The following PHLPP2 variants were observed in gnomAD, a reference collection of about 807,000 sequenced individuals.
PHLPP2 encodes the protein PH domain leucine-rich repeat-containing protein phosphatase 2.
In PHLPP2, 66 loss-of-function variants were observed where a neutral mutation model predicts 124.9. The observed-to-expected ratio is 0.53, with a 90% CI of 0.43 to 0.65. PHLPP2 has a LOEUF of 0.65. PHLPP2 is among the 30% of genes least tolerant of loss of function. The pLI, the probability that PHLPP2 is intolerant of heterozygous loss-of-function variation, is 0.00. For missense variants in PHLPP2, 1,685 were observed against 1,600.4 expected (o/e 1.05, Z -0.90); for synonymous variants, 681 against 624.7 (o/e 1.09, Z -1.34).
intron 6 of PHLPP2, among the ~76,000 whole-genome samples, chr16:71,680,590 C>T (rs917537603): frequency 3.9e-5 from 6 of 152,300 alleles, no homozygotes; most frequent in Middle Eastern, 3.4e-3. Flanking sequence ...TCTGGTAATT[C>T]CACTGGGGAG....
Position 71,690,596 on chromosome 16 carries a change from C to T in PHLPP2, c.532G>A (p.Gly178Ser). Residue 178 changes from glycine (G) to serine (S), a missense_variant, in exon 4 of 19, where the codon GGT becomes AGT. Physicochemically the swap from Gly to Ser is moderately conservative, Grantham distance 56. Coordinates refer to ENST00000568954, the MANE Select transcript of PHLPP2 (RefSeq NM_015020.3). Reference protein sequence around the residue: ...KWAERLVVLCGTCLIVSSVKD... With the variant: ...KWAERLVVLCSTCLIVSSVKD... Reference sequence around the variant, plus strand: ...ACTGAGGAAACGATAAGGCAGGTACCACAGAGGACAACTAGGCGCTCAGCC... The same window carrying T: ...ACTGAGGAAACGATAAGGCAGGTACTACAGAGGACAACTAGGCGCTCAGCC... The T allele has an allele frequency of 6.2e-7, 1 of 1,612,648 alleles. No individual in the cohort carries two copies. The highest frequency in any genetic ancestry group is 8.5e-7 in the Non-Finnish European group (1 of 1,178,714).
chr16:71,667,406 AT>A, intron 11 of PHLPP2, 73 bp from the exon 12 acceptor site: 1 of 1,169,298 alleles, frequency 8.6e-7, no homozygotes, highest in Non-Finnish European at 1.2e-6. Flanking sequence ...GTCCTAGCCT[AT>A]TTAACTGAAA....
intron 1 of PHLPP2, among the ~76,000 whole-genome samples, chr16:71,717,131 A>G (rs2145387126): frequency 6.6e-6 from 1 of 152,360 alleles, no homozygotes; most frequent in East Asian, 1.9e-4. Context: ...ACATCTTTGC[A>G]GCAGCTGCAA....
chr16:71,674,143 C>A (rs1202207174), intron 9 of PHLPP2, among the ~76,000 whole-genome samples: 1 of 150,492 alleles, frequency 6.6e-6, no homozygotes, highest in African/African-American at 2.4e-5. Context: ...AATGGCATGA[C>A]CTTGGCTCAC....
intron 1 of PHLPP2, among the ~76,000 whole-genome samples, chr16:71,718,432 T>G (rs1269156951): frequency 6.7e-6 from 1 of 148,230 alleles, no homozygotes; most frequent in Non-Finnish European, 1.5e-5. Flanking sequence ...ACAAAAACAT[T>G]AGCTGGGCGT....
chr16:71,697,713 G>A (rs2045187235), intron 3 of PHLPP2, among the ~76,000 whole-genome samples: 1 of 152,022 alleles, frequency 6.6e-6, no homozygotes, highest in Non-Finnish European at 1.5e-5. Flanking sequence ...TGTGCTACCT[G>A]AGCCATACAG....
Position 71,658,246 on chromosome 16 carries a change from G to A in PHLPP2, c.2266C>T (p.Leu756=), listed in dbSNP as rs1325976090. 6.2e-7 allele frequency: 1 copy of A among 1,613,722 alleles called. No individual in the cohort carries two copies. Among genetic ancestry groups the A allele is most frequent in the Non-Finnish European group, 8.5e-7 (1 of 1,179,826 alleles). The part of the protein sequence containing the change: ...NTNLVLEHKT[L]DIFSHITTLK... ...ATTTTTTCCTACCTAAATATGTCCAGTGTCTTGTGTTCCAGAACCAGATTT... is the reference window on the plus strand; with the variant it reads ...ATTTTTTCCTACCTAAATATGTCCAATGTCTTGTGTTCCAGAACCAGATTT... Residue 756 remains leucine (L), a synonymous_variant, in exon 15 of 19, where the codon CTG becomes TTG. Transcript: ENST00000568954.
rs778993870 is a variant in PHLPP2 at position 71,684,520 on chromosome 16, C to G, written c.691G>C (p.Glu231Gln). The change falls in exon 5 of 19, where the codon GAG (glutamate) becomes CAG (glutamine). Residue 231 changes from glutamate (E) to glutamine (Q), a missense_variant. Coordinates refer to ENST00000568954, the MANE Select transcript of PHLPP2 (RefSeq NM_015020.3). ...AQAQTYHVSFETLAEYQRWQR... is the reference protein window; with the variant it reads ...AQAQTYHVSFQTLAEYQRWQR... ...CATCGCTGGTACTCGGCCAAAGTCT[C>G]GAAGCTGACATGATAGGTCTGAGCT... 2 of 1,613,832 alleles carry G rather than the reference C, an allele frequency of 1.2e-6. No homozygotes were observed. Among genetic ancestry groups the G allele is most frequent in the East Asian group, 2.2e-5 (1 of 44,880 alleles).
chr16:71,701,383 T>G (rs1235190199), intron 3 of PHLPP2, among the ~76,000 whole-genome samples: 1 of 152,070 alleles, frequency 6.6e-6, no homozygotes, highest in Non-Finnish European at 1.5e-5. Flanking sequence ...CATTATTACT[T>G]TTCAAAGATT....
In PHLPP2 at chr16:71,648,792, A is replaced by C. The variant is rs1000141575; in HGVS notation, c.*98T>G. ...TCTCAAAACAAACAAACAAAAAAAAAACGAACAAACAAAAAGAAATGTAGA... is the reference window on the plus strand; with the variant it reads ...TCTCAAAACAAACAAACAAAAAAAACACGAACAAACAAAAAGAAATGTAGA... On this transcript the variant is annotated 3_prime_UTR_variant, in exon 19 of 19. Transcript: ENST00000568954. 4 of 915,450 alleles carry C rather than the reference A, an allele frequency of 4.4e-6. No individual in the cohort carries two copies. Among genetic ancestry groups the C allele is most frequent in the South Asian group, 1.6e-5 (1 of 62,552 alleles). 56.7% of individuals were successfully genotyped at this position (915,450 alleles called of 1,614,324 possible).
At position 71,644,977 on chromosome 16, in the gene PHLPP2, T is replaced by C. The variant is rs923890737; in HGVS notation, c.*3913A>G. 3.4e-6 allele frequency: 1 copy of C among 292,374 alleles called. No individual in the cohort carries two copies. The highest frequency in any genetic ancestry group is 6.7e-6 in the Non-Finnish European group (1 of 148,292). 18.1% of individuals were successfully genotyped at this position (292,374 alleles called of 1,614,324 possible). ...CACTTTATTTTATTTATTATTGTTATTGTTATTTTTACAAACAATAGATTT... is the reference window on the plus strand; with the variant it reads ...CACTTTATTTTATTTATTATTGTTACTGTTATTTTTACAAACAATAGATTT... On this transcript the variant is annotated 3_prime_UTR_variant, in exon 19 of 19. Coordinates refer to ENST00000568954, the MANE Select transcript of PHLPP2 (RefSeq NM_015020.3).
chr16:71,719,002 A>C (rs542493262), intron 1 of PHLPP2, among the ~76,000 whole-genome samples: 1 of 152,286 alleles, frequency 6.6e-6, no homozygotes, highest in African/African-American at 2.4e-5. Context: ...GTCTTGCTCC[A>C]CTGCTTAACA....
intron 3 of PHLPP2, among the ~76,000 whole-genome samples, chr16:71,702,236 G>A (rs1178620790): frequency 6.6e-6 from 1 of 152,072 alleles, no homozygotes; most frequent in Non-Finnish European, 1.5e-5. Flanking sequence ...ATATGATAAT[G>A]ATTACTTACT....
rs1353691765 is a variant in PHLPP2 at position 71,714,604 on chromosome 16, G to A, written c.192C>T (p.Leu64=). ...SSSSSSSDLH[L]VLCTVETPAS... is the part of the protein sequence containing the mutation. ...CTGGTGTCTCTACAGTGCAAAGGACGAGATGTAAGTCAGAGGAAGAGGAGG... is the reference window on the plus strand; with the variant it reads ...CTGGTGTCTCTACAGTGCAAAGGACAAGATGTAAGTCAGAGGAAGAGGAGG... The change falls in exon 2 of 19, where the codon CTC becomes CTT. Residue 64 remains leucine (L), a synonymous_variant. Coordinates refer to ENST00000568954, the MANE Select transcript of PHLPP2 (RefSeq NM_015020.3). 3.7e-6 allele frequency: 6 copies of A among 1,613,992 alleles called. No individual in the cohort carries two copies. Among genetic ancestry groups the A allele is most frequent in the African/African-American group, 1.3e-5 (1 of 74,922 alleles).
chr16:71,684,195 G>A (rs371470369), intron 5 of PHLPP2, among the ~76,000 whole-genome samples: 3 of 147,386 alleles, frequency 2.0e-5, no homozygotes, highest in African/African-American at 7.5e-5. Flanking sequence ...GCGCGATGTC[G>A]GCTCACTGCA....
intron 3 of PHLPP2, among the ~76,000 whole-genome samples, chr16:71,691,213 G>T (rs550449677): frequency 7.2e-5 from 11 of 152,098 alleles, no homozygotes; most frequent in African/African-American, 1.9e-4. Context: ...CAGCACTTTG[G>T]GGGGGCCAAG....
intron 1 of PHLPP2, chr16:71,723,754 C>T: frequency 2.4e-6 from 3 of 1,262,258 alleles, no homozygotes; most frequent in South Asian, 3.1e-5. Flanking sequence ...CTCGCTGGTC[C>T]ATCCGCCTCC....
intron 2 of PHLPP2, among the ~76,000 whole-genome samples, chr16:71,704,961 A>T (rs1268537653): frequency 6.6e-6 from 1 of 152,176 alleles, no homozygotes; most frequent in Non-Finnish European, 1.5e-5. Context: ...CAGATCTTCA[A>T]ATGTTCAGAC....
At chr16:71,669,405 A>AT in intron 10 of PHLPP2, 35 bp from the exon 11 acceptor site, 3 of 1,465,090 alleles carry the variant, frequency 2.0e-6, no homozygotes, top group Non-Finnish European at 2.9e-6. Context: ...GCACCATTTA[A>AT]GATGACAAGT....
Sources: gnomAD v4.1 joint callset for allele counts (sites outside exome capture counted in the v4.1 genomes callset) on GRCh38, gnomAD v4.1.1 for gene constraint, MANE v1.5 for transcripts, NCBI Gene and HGNC (gene_info 2026-07-23, HGNC 2026-07-21) for gene names.